INPP5D: variants seen among roughly 807,000 people sequenced by gnomAD.
INPP5D encodes the protein phosphatidylinositol 3,4,5-trisphosphate 5-phosphatase 1.
Under a neutral mutation model 122.9 loss-of-function variants are expected in INPP5D, and 33 were observed. The ratio of observed to expected loss-of-function variants is 0.27; its 90% CI spans 0.20 to 0.36. The LOEUF (loss-of-function observed/expected upper bound fraction) is 0.36, where lower values mean the gene tolerates loss of function less well. Ranked by LOEUF, INPP5D falls within the 10% of genes least tolerant of loss-of-function variation. The pLI is 1.00. For synonymous variants in INPP5D, 584 were observed against 576.2 expected (o/e 1.01, Z -0.19); for missense variants, 1,053 against 1,412.7 (o/e 0.75, Z 4.08).
At chr2:233,067,451 G>A in intron 1 of INPP5D, among the ~76,000 whole-genome samples, 1 of 152,174 alleles carries the variant, frequency 6.6e-6, no homozygotes, top group East Asian at 1.9e-4. Flanking sequence ...CAGTTGACAG[G>A]CATTTGGGTT....
chr2:233,147,154 C>T (rs1045651376), intron 8 of INPP5D, among the ~76,000 whole-genome samples: 1 of 152,204 alleles, frequency 6.6e-6, no homozygotes. Flanking sequence ...GGTGACACAT[C>T]AGATTAATGA....
chr2:233,165,850 T>TG (rs1559329349), intron 13 of INPP5D, among the ~76,000 whole-genome samples: 2 of 150,238 alleles, frequency 1.3e-5, no homozygotes, highest in African/African-American at 4.9e-5. Context: ...CTCTGTGTGT[T>TG]TGTGTGTGTG....
At chr2:233,115,561 G>A (rs60697246) in intron 2 of INPP5D, among the ~76,000 whole-genome samples, 5,466 of 152,100 alleles carry the variant, frequency 0.036, 335 homozygotes, top group African/African-American at 0.13. Context: ...TGCCCTTCTC[G>A]TCCTGAACCC....
chr2:233,149,799 T>C (rs1358816733), intron 9 of INPP5D, among the ~76,000 whole-genome samples: 1 of 151,530 alleles, frequency 6.6e-6, no homozygotes, highest in African/African-American at 2.4e-5. Context: ...GCAGGGATAG[T>C]AGCAGCATCT....
intron 2 of INPP5D, among the ~76,000 whole-genome samples, chr2:233,114,235 T>C (rs1692720989): frequency 1.3e-5 from 2 of 152,156 alleles, no homozygotes; most frequent in Admixed American, 6.5e-5. Flanking sequence ...AAGACAAAAC[T>C]CAAATTCTGC....
chr2:233,190,828 G>C (rs544074322), intron 22 of INPP5D, among the ~76,000 whole-genome samples: 2 of 152,350 alleles, frequency 1.3e-5, no homozygotes, highest in African/African-American at 4.8e-5. Context: ...GCCAAGCTAA[G>C]AGCAAATACC....
Position 233,170,238 on chromosome 2 carries a change from G to A in INPP5D, c.1791+74G>A. On this transcript the variant is annotated intron_variant, in intron 15 of 26. Transcript: ENST00000445964. This position sits in a 1 kb window ranked among gnomAD's most constrained non-coding sequence, Gnocchi z 4.5. ...GCTCCCTTGAGTCAGCTTGGGGCAG[G>A]TGGTCGTGGAGACATGTGAATCAAG... is the stretch of plus-strand genomic sequence containing the variant. 6.4e-7 allele frequency: 1 copy of A among 1,563,758 alleles called. No individual in the cohort carries two copies. Among genetic ancestry groups the A allele is most frequent in the Non-Finnish European group, 8.7e-7 (1 of 1,153,306 alleles).
chr2:233,184,493 C>T lies in INPP5D; in HGVS notation c.2247C>T (p.Tyr749=), dbSNP rs753216472. ...AGACCAAGTCCCAGACCAAATTCTA[C>T]CTGGAGTTCCACTCGAGCTGCTTGG... ...TLKTKSQTKF[Y]LEFHSSCLES... The change falls in exon 20 of 27, where the codon TAC becomes TAT. Residue 749 remains tyrosine (Y), a synonymous_variant. Coordinates refer to ENST00000445964, the MANE Select transcript of INPP5D (RefSeq NM_001017915.3). 9 of 1,614,052 alleles carry T rather than the reference C, an allele frequency of 5.6e-6. No homozygotes were observed. The highest frequency in any genetic ancestry group is 5.1e-6 in the Non-Finnish European group (6 of 1,179,890).
intron 2 of INPP5D, 133 bp downstream of exon 2, chr2:233,079,531 C>A: frequency 1.5e-6 from 1 of 671,494 alleles, no homozygotes; most frequent in Non-Finnish European, 2.7e-6. Context: ...CTGGCTTCCT[C>A]CCAGGTGTCC....
In INPP5D at chr2:233,207,818, T is replaced by G. The variant is rs1695552406; in HGVS notation, c.*1110T>G. The G allele has an allele frequency of 6.6e-6, 1 of 152,324 alleles. No individual in the cohort carries two copies. The highest frequency in any genetic ancestry group is 2.4e-5 in the African/African-American group (1 of 41,434). 9.4% of individuals were successfully genotyped at this position (152,324 alleles called of 1,614,324 possible). ...AATTAATGTAGGGAGCTAAATCCAG[T>G]GGTGTGTGTGAATGCAGAAGGGAAT... On this transcript the variant is annotated 3_prime_UTR_variant, in exon 27 of 27. Transcript: ENST00000445964. This position sits in a 1 kb window ranked among gnomAD's most constrained non-coding sequence, Gnocchi z 4.6.
At chr2:233,099,222 A>G in intron 2 of INPP5D, among the ~76,000 whole-genome samples, 1 of 152,126 alleles carries the variant, frequency 6.6e-6, no homozygotes, top group Admixed American at 6.6e-5. Context: ...AAGTGCTGGG[A>G]TCACACGTGT....
At chr2:233,146,916 A>G (rs1394079788) in intron 8 of INPP5D, among the ~76,000 whole-genome samples, 1 of 152,180 alleles carries the variant, frequency 6.6e-6, no homozygotes, top group East Asian at 1.9e-4. Flanking sequence ...TCCCAAATTC[A>G]GGAATCCAGT....
intron 2 of INPP5D, among the ~76,000 whole-genome samples, chr2:233,106,560 G>A (rs900062376): frequency 5.9e-5 from 9 of 152,232 alleles, no homozygotes; most frequent in Non-Finnish European, 1.2e-4. Flanking sequence ...CTACAAGGAC[G>A]TGGCTGCAAA....
At chr2:233,122,566 G>T (rs1175866637) in intron 3 of INPP5D, among the ~76,000 whole-genome samples, 2 of 152,128 alleles carry the variant, frequency 1.3e-5, no homozygotes, top group Non-Finnish European at 2.9e-5. Flanking sequence ...ACTTTGGGAG[G>T]CCGAGGTGGG....
Position 233,060,468 on chromosome 2 carries a change from C to T in INPP5D, c.-11C>T. The T allele has an allele frequency of 6.3e-7, 1 of 1,596,274 alleles. No homozygotes were observed. Among genetic ancestry groups the T allele is most frequent in the Non-Finnish European group, 8.5e-7 (1 of 1,170,696 alleles). On this transcript the variant is annotated 5_prime_UTR_variant, in exon 1 of 27. Transcript: ENST00000445964. ...TGCCTGCCGGCCCGGCCGAGGAGGC[C>T]CACGCCCACCATGGTCCCCTGCTGG...
chr2:233,136,722 C>A (rs1329374863), intron 5 of INPP5D, among the ~76,000 whole-genome samples: 7 of 152,190 alleles, frequency 4.6e-5, no homozygotes, highest in Non-Finnish European at 8.8e-5. Flanking sequence ...TAAGAAATCT[C>A]TGCTGAGCAA....
At chr2:233,069,099 G>A (rs906255257) in intron 1 of INPP5D, among the ~76,000 whole-genome samples, 1 of 152,198 alleles carries the variant, frequency 6.6e-6, no homozygotes, top group Non-Finnish European at 1.5e-5. Context: ...GCAGCACGTG[G>A]GGACCAGATT....
At chr2:233,174,791 C>CA (rs34082998) in intron 17 of INPP5D, among the ~76,000 whole-genome samples, 1,299 of 96,766 alleles carry the variant, frequency 0.013, 21 homozygotes, top group African/African-American at 0.035. Context: ...GACCCTGTCT[C>CA]AAAAAAAAAA....
intron 26 of INPP5D, chr2:233,204,924 G>A (rs1695454403): frequency 1.3e-6 from 1 of 799,936 alleles, no homozygotes. Flanking sequence ...TTGAACCCAG[G>A]TCTGCCTGTC....
Sources: gnomAD v4.1 joint callset for allele counts (sites outside exome capture counted in the v4.1 genomes callset) on GRCh38, gnomAD v4.1.1 for gene constraint, Gnocchi (gnomAD v3.1) non-coding constraint, MANE v1.5 for transcripts, NCBI Gene and HGNC (gene_info 2026-07-23, HGNC 2026-07-21) for gene names.